RC3H2: variants seen among roughly 807,000 people sequenced by gnomAD.
RC3H2 encodes ring finger and CCCH-type domains 2.
A neutral mutation model predicts 133.3 loss-of-function variants in RC3H2; 31 were observed. The ratio of observed to expected loss-of-function variants is 0.23; its 90% confidence interval spans 0.17 to 0.31. The LOEUF is 0.31. Among genes scored for constraint, RC3H2 ranks in the 10% least tolerant of loss-of-function variants. The pLI is 1.00. For missense variants in RC3H2, 1,175 were observed against 1,437.2 expected (o/e 0.82, Z 2.95); for synonymous variants, 517 against 502.2 (o/e 1.03, Z -0.40).
intron 4 of RC3H2, among the ~76,000 whole-genome samples, chr9:122,888,325 C>G (rs963968946): frequency 2.6e-5 from 4 of 152,062 alleles, no homozygotes; most frequent in Non-Finnish European, 5.9e-5. Flanking sequence ...TTATTTTGAT[C>G]ATTTTTAATT....
At chr9:122,876,477 A>C (rs1235429366) in intron 9 of RC3H2, among the ~76,000 whole-genome samples, 2 of 151,860 alleles carry the variant, frequency 1.3e-5, no homozygotes, top group African/African-American at 4.8e-5. Context: ...AAAATACAAA[A>C]ATTGGCCAGG....
At chr9:122,864,926 G>A (rs1830582534) in intron 10 of RC3H2, among the ~76,000 whole-genome samples, 1 of 152,060 alleles carries the variant, frequency 6.6e-6, no homozygotes, top group Admixed American at 6.6e-5. Context: ...ACCCGGCCAA[G>A]TGCTACACCT....
chr9:122,871,478 TA>T (rs1260974374), intron 9 of RC3H2, among the ~76,000 whole-genome samples: 2 of 146,866 alleles, frequency 1.4e-5, no homozygotes, highest in Non-Finnish European at 3.0e-5. Context: ...TTTCTGTTTT[TA>T]GTAGAGACGG....
intron 9 of RC3H2, among the ~76,000 whole-genome samples, chr9:122,866,145 T>A (rs1241331118): frequency 2.0e-5 from 3 of 152,182 alleles, no homozygotes; most frequent in African/African-American, 2.4e-5. Flanking sequence ...AAAAATAATT[T>A]AAAAAACTCA....
intron 14 of RC3H2, 147 bp from the exon 15 acceptor site, chr9:122,855,544 A>C: frequency 1.1e-6 from 1 of 939,080 alleles, no homozygotes; most frequent in Middle Eastern, 3.0e-4. Flanking sequence ...ACTACCAGTA[A>C]ACCACCAATG....
At chr9:122,871,460 G>A (rs1252805790) in intron 9 of RC3H2, among the ~76,000 whole-genome samples, 1 of 149,710 alleles carries the variant, frequency 6.7e-6, no homozygotes, top group Non-Finnish European at 1.5e-5. Flanking sequence ...ACCAGGCCCG[G>A]CTAATTTTTT....
chr9:122,897,647 C>G (rs1461094342), intron 1 of RC3H2, 71 bp from the exon 2 acceptor site: 1 of 1,034,764 alleles, frequency 9.7e-7, no homozygotes, highest in Admixed American at 3.0e-5. Flanking sequence ...TTGCTTAAGT[C>G]AACTATTACA....
rs545757810 is a variant in RC3H2 at position 122,874,487 on chromosome 9, G to C, written c.1325+2984C>G. On this transcript the variant is annotated intron_variant, in intron 9 of 20. Transcript: ENST00000357244. The stretch of plus-strand genomic sequence containing the variant: ...CCATTATTATTATTTTTGAATGAGT[G>C]ATATTTTATATATTTATTATTTTAT... 5.3e-5 allele frequency: 8 copies of C among 151,708 alleles called. No individual in the cohort carries two copies. In the South Asian group the frequency reaches 1.7e-3, roughly 32 times the overall value. 9.4% of individuals were successfully genotyped at this position (151,708 alleles called of 1,614,324 possible).
intron 5 of RC3H2, 106 bp from the exon 6 acceptor site, chr9:122,880,900 C>T (rs1831590011): frequency 1.3e-6 from 1 of 749,242 alleles, no homozygotes; most frequent in Non-Finnish European, 2.3e-6. Context: ...ACATATCAGA[C>T]ACCACAGAAA....
intron 4 of RC3H2, among the ~76,000 whole-genome samples, chr9:122,886,804 A>G (rs1401357342): frequency 6.6e-6 from 1 of 152,114 alleles, no homozygotes; most frequent in Admixed American, 6.5e-5. Flanking sequence ...TGTGCTTGTT[A>G]GTCATCGTGT....
At chr9:122,881,808 A>C (rs1156951038) in intron 5 of RC3H2, among the ~76,000 whole-genome samples, 1 of 152,138 alleles carries the variant, frequency 6.6e-6, no homozygotes, top group Non-Finnish European at 1.5e-5. Flanking sequence ...TACAGGTATA[A>C]ACCACTGCAC....
chr9:122,901,852 G>T (rs992949389), intron 1 of RC3H2, among the ~76,000 whole-genome samples: 1 of 151,450 alleles, frequency 6.6e-6, no homozygotes, highest in African/African-American at 2.4e-5. Context: ...GCCTCCCAAA[G>T]TCCTGGGATT....
Position 122,851,244 on chromosome 9 carries a change from T to C in RC3H2, c.3232-15A>G. 6.2e-7 allele frequency: 1 copy of C among 1,613,590 alleles called. No homozygotes were observed. ...TCCAAGATCTCCTAAGAAAATAAAATGTTAATCCTTCAGTATGAAAGTATT... is the reference window on the plus strand; with the variant it reads ...TCCAAGATCTCCTAAGAAAATAAAACGTTAATCCTTCAGTATGAAAGTATT... On this transcript the variant is annotated splice_polypyrimidine_tract_variant and intron_variant, in intron 19 of 20. Transcript: ENST00000357244.
At position 122,854,212 on chromosome 9, in the gene RC3H2, C is replaced by T. The variant is rs1830159108; in HGVS notation, c.2955G>A (p.Gly985=). ...GCTGAAGTTCAAGGCTCAAAAGGTC[C>T]CCAGTACTGGAATGCTTTCTATGAC... ...LSGHRKHSST[G]DLLSLELQQA... Residue 985 remains glycine (G), a synonymous_variant, in exon 17 of 21, where the codon GGG becomes GGA. Transcript: ENST00000357244. 6.2e-7 allele frequency: 1 copy of T among 1,613,846 alleles called. No homozygotes were observed. Among genetic ancestry groups the T allele is most frequent in the Non-Finnish European group, 8.5e-7 (1 of 1,179,964 alleles).
rs147620997 is a variant in RC3H2, at chr9:122,863,876, T to C, written c.1634+1473A>G. The stretch of plus-strand genomic sequence containing the variant: ...CTCAGCCTTCCCAGGTAGCTGGGAT[T>C]ACAGGCATGCGCCACCATGCCTGGC... On this transcript the variant is annotated intron_variant, in intron 10 of 20. Coordinates refer to ENST00000357244, the MANE Select transcript of RC3H2 (RefSeq NM_001100588.3). Among the ~76,000 whole-genome samples, 412 of 152,272 alleles carry C rather than the reference T, an allele frequency of 2.7e-3. 5 individuals are homozygous for C. The highest frequency in any genetic ancestry group is 9.6e-3 in the African/African-American group (398 of 41,544).
chr9:122,904,925 G>A (rs969536646), intron 1 of RC3H2, among the ~76,000 whole-genome samples, 185 bp downstream of exon 1: 11 of 152,212 alleles, frequency 7.2e-5, no homozygotes, highest in Middle Eastern at 3.2e-3. Flanking sequence ...CCCTACCAGA[G>A]AGAGGGGCCT....
intron 10 of RC3H2, 111 bp from the exon 11 acceptor site, chr9:122,860,242 T>G: frequency 1.3e-6 from 1 of 760,528 alleles, no homozygotes; most frequent in South Asian, 1.8e-5. Flanking sequence ...AGAAAACACT[T>G]CAGACATTGC....
chr9:122,895,204 G>A (rs2131499177), intron 2 of RC3H2, among the ~76,000 whole-genome samples: 1 of 150,104 alleles, frequency 6.7e-6, no homozygotes, highest in African/African-American at 2.5e-5. Context: ...CCATCACCCA[G>A]GCTGGAGTGC....
At chr9:122,873,385 T>C (rs1213851517) in intron 9 of RC3H2, among the ~76,000 whole-genome samples, 3 of 152,158 alleles carry the variant, frequency 2.0e-5, no homozygotes, top group East Asian at 3.8e-4. Context: ...GAGTTTATGT[T>C]ATCAGGTGTT....
Sources: allele counts gnomAD v4.1 joint callset (sites outside exome capture counted in the v4.1 genomes callset), GRCh38; gene constraint gnomAD v4.1.1; transcripts MANE v1.5; gene names NCBI Gene and HGNC (gene_info 2026-07-23, HGNC 2026-07-21).